TMEM39B: variants seen among roughly 807,000 people sequenced by gnomAD.
TMEM39B encodes transmembrane protein 39B.
Under a neutral mutation model 52.2 loss-of-function variants are expected in TMEM39B, and 23 were observed. The ratio of observed to expected loss-of-function variants is 0.44; its 90% CI spans 0.32 to 0.62. The LOEUF is 0.62. TMEM39B is among the 20% of genes least tolerant of loss of function. The probability of loss-of-function intolerance (pLI) is 0.06; values close to 1 mark genes in which losing one functional copy is unlikely to be tolerated. For synonymous variants in TMEM39B, 285 were observed against 264.0 expected (o/e 1.08, Z -0.77); for missense variants, 547 against 642.0 (o/e 0.85, Z 1.60).
Position 32,102,808 on chromosome 1 carries a change from C to T in TMEM39B, c.*135C>T, listed in dbSNP as rs183803566. 1.3e-4 allele frequency: 139 copies of T among 1,049,514 alleles called. No individual in the cohort carries two copies. In the Admixed American group the frequency reaches 1.5e-3, roughly 11 times the overall value. 65.0% of individuals were successfully genotyped at this position (1,049,514 alleles called of 1,614,324 possible). A position where few individuals can be genotyped will look rare whatever the true frequency, so the allele number is the denominator to read the frequency against. On this transcript the variant is annotated 3_prime_UTR_variant, in exon 9 of 9. Transcript: ENST00000336294. Reference sequence around the variant, plus strand: ...CAGAGCTTTGTATTTTTGTTACGTACTGTTTCTTTGATAATTGATGTGATA... The same window carrying T: ...CAGAGCTTTGTATTTTTGTTACGTATTGTTTCTTTGATAATTGATGTGATA...
chr1:32,072,111 T>C (rs1639676878), upstream of TMEM39B: 1 of 152,226 alleles, frequency 6.6e-6, no homozygotes, highest in Admixed American at 6.5e-5. Context: ...TCTATGACTA[T>C]TAATGAAATA....
intron 1 of TMEM39B, chr1:32,073,303 G>T (rs912934509): frequency 6.1e-6 from 3 of 489,078 alleles, no homozygotes; most frequent in Admixed American, 4.2e-5. Flanking sequence ...GTGAGGACCA[G>T]CTCGTCGGGG....
intron 5 of TMEM39B, among the ~76,000 whole-genome samples, chr1:32,079,476 G>C (rs115221360): frequency 1.3e-5 from 2 of 151,940 alleles, no homozygotes; most frequent in Admixed American, 6.6e-5. Flanking sequence ...GAGCCACCGC[G>C]CCTGGCCAAC....
intron 5 of TMEM39B, among the ~76,000 whole-genome samples, 192 bp from the exon 6 acceptor site, chr1:32,091,483 C>T (rs542013904): frequency 1.3e-5 from 2 of 152,280 alleles, no homozygotes; most frequent in African/African-American, 2.4e-5. Context: ...TGGCACGTAC[C>T]GAGTGGTAAT....
At chr1:32,073,975 C>T (rs1356645591) in intron 1 of TMEM39B, 4 of 842,982 alleles carry the variant, frequency 4.7e-6, no homozygotes, top group Middle Eastern at 6.1e-4. Flanking sequence ...TCTCCAACTC[C>T]TGGTCTCAAG....
chr1:32,074,545 C>A (rs1255270677), intron 1 of TMEM39B, among the ~76,000 whole-genome samples: 2 of 152,040 alleles, frequency 1.3e-5, no homozygotes, highest in Non-Finnish European at 2.9e-5. Context: ...AAGCAATAAG[C>A]ATATTAACAA....
chr1:32,099,070 G>A (rs1414659488), intron 7 of TMEM39B, among the ~76,000 whole-genome samples: 2 of 152,120 alleles, frequency 1.3e-5, no homozygotes, highest in African/African-American at 4.8e-5. Flanking sequence ...GGGCAACATG[G>A]CGAAACCCCG....
At chr1:32,094,680 T>C (rs1045116893) in intron 6 of TMEM39B, 104 bp from the exon 7 acceptor site, 2 of 1,258,234 alleles carry the variant, frequency 1.6e-6, no homozygotes, top group Admixed American at 4.0e-5. Flanking sequence ...TTCTGAGGTC[T>C]CCCCAGGACT....
In TMEM39B at chr1:32,073,028, G is replaced by T. The variant is rs1055134116; in HGVS notation, c.-20G>T. ...CCGCAGGAGCTGCGGCGGCGAAGCG[G>T]AGAGCACCGGGGGGAGGAGATGGGT... On this transcript the variant is annotated 5_prime_UTR_variant, in exon 1 of 9. Transcript: ENST00000336294. 1 of 1,529,152 alleles carries T rather than the reference G, an allele frequency of 6.5e-7. No individual in the cohort carries two copies. Among genetic ancestry groups the T allele is most frequent in the Non-Finnish European group, 8.8e-7 (1 of 1,136,622 alleles). 94.7% of individuals were successfully genotyped at this position (1,529,152 alleles called of 1,614,324 possible). A position where few individuals can be genotyped will look rare whatever the true frequency, so the allele number is the denominator to read the frequency against.
chr1:32,075,848 G>A (rs1322571004), intron 3 of TMEM39B, 26 bp downstream of exon 3: 5 of 1,348,488 alleles, frequency 3.7e-6, no homozygotes, highest in Non-Finnish European at 5.1e-6. Flanking sequence ...GGGTGTGTGT[G>A]TGTGTGTGTG....
At chr1:32,083,171 G>C in intron 5 of TMEM39B, among the ~76,000 whole-genome samples, 1 of 132,456 alleles carries the variant, frequency 7.5e-6, no homozygotes, top group East Asian at 2.5e-4. Context: ...TGCAGCCTCC[G>C]CCTCCCAAGT....
chr1:32,075,793 C>T lies in TMEM39B; in HGVS notation c.322C>T (p.Pro108Ser). 1 of 1,530,514 alleles carries T rather than the reference C, an allele frequency of 6.5e-7. No individual in the cohort carries two copies. The highest frequency in any genetic ancestry group is 8.8e-7 in the Non-Finnish European group (1 of 1,132,298). 94.8% of individuals were successfully genotyped at this position (1,530,514 alleles called of 1,614,324 possible). Residue 108 changes from proline to serine, a missense_variant, in exon 3 of 9, where the codon CCT becomes TCT. Transcript: ENST00000336294. ...NIYKTVWWYP[P>S]SHPPSHTSLN... ...CTACAAGACAGTGTGGTGGTATCCA[C>T]CTTCCCACCCACCCTCCCACACCTC...
intron 5 of TMEM39B, among the ~76,000 whole-genome samples, chr1:32,078,056 C>G (rs943490942): frequency 6.6e-6 from 1 of 152,248 alleles, no homozygotes; most frequent in East Asian, 1.9e-4. Context: ...CACAAAATTC[C>G]TCAAGCTGGG....
rs1445297810 is a variant in TMEM39B at position 32,102,452 on chromosome 1, C to T, written c.1258C>T (p.Arg420Trp). 20 of 1,613,738 alleles carry T rather than the reference C, an allele frequency of 1.2e-5. No individual in the cohort carries two copies. Among genetic ancestry groups the T allele is most frequent in the Non-Finnish European group, 1.4e-5 (17 of 1,179,876 alleles). Residue 420 changes from arginine (R) to tryptophan (W), a missense_variant, in exon 9 of 9, where the codon CGG becomes TGG. By Grantham distance (101) the Arg-to-Trp change is moderately radical (BLOSUM62 -3). Coordinates refer to ENST00000336294, the MANE Select transcript of TMEM39B (RefSeq NM_018056.4). ...RFHFFFSKPLRILNILLLLEG... is the reference protein window; with the variant it reads ...RFHFFFSKPLWILNILLLLEG... ...GCAGTTCTTTTTCAGCAAACCCCTG[C>T]GGATCCTCAACATCCTCCTGCTGCT...
intron 6 of TMEM39B, among the ~76,000 whole-genome samples, chr1:32,093,399 C>CTTTTTTTT (rs34793281): frequency 6.0e-5 from 3 of 50,328 alleles, no homozygotes; most frequent in African/African-American, 1.6e-4. Flanking sequence ...AAGCCCGGCC[C>CTTTTTTTT]TTTTTTTTTT....
intron 5 of TMEM39B, among the ~76,000 whole-genome samples, chr1:32,086,045 G>A (rs1364208504): frequency 6.6e-6 from 1 of 152,040 alleles, no homozygotes; most frequent in African/African-American, 2.4e-5. Context: ...AGCCTCCGTA[G>A]GCCAGAAAGG....
At chr1:32,082,809 C>G (rs1300086319) in intron 5 of TMEM39B, among the ~76,000 whole-genome samples, 3 of 151,590 alleles carry the variant, frequency 2.0e-5, no homozygotes, top group African/African-American at 7.3e-5. Flanking sequence ...GAGTCTCGCT[C>G]TGTCGCCCAG....
chr1:32,073,112 G>A (rs1639703331), intron 1 of TMEM39B, 61 bp downstream of exon 1: 1 of 1,392,468 alleles, frequency 7.2e-7, no homozygotes, highest in Non-Finnish European at 9.4e-7. Context: ...AGGATGGCCA[G>A]GCTGCTAATT....
intron 5 of TMEM39B, among the ~76,000 whole-genome samples, chr1:32,088,446 TC>T (rs1390485202): frequency 6.6e-6 from 1 of 151,954 alleles, no homozygotes; most frequent in Non-Finnish European, 1.5e-5. Flanking sequence ...ATTATGTGAC[TC>T]ATCTTTCTGT....
Sources: allele counts gnomAD v4.1 joint callset (sites outside exome capture counted in the v4.1 genomes callset), GRCh38; gene constraint gnomAD v4.1.1; transcripts MANE v1.5; gene names NCBI Gene and HGNC (gene_info 2026-07-23, HGNC 2026-07-21).